Variants in GALNT5 observed in about 807,000 individuals in gnomAD.
GALNT5 encodes polypeptide N-acetylgalactosaminyltransferase 5, also known as UDP-GalNAc:polypeptide N-acetylgalactosaminyltransferase 5.
In GALNT5, 72 loss-of-function variants were observed where a neutral mutation model predicts 85.4. The observed-to-expected ratio is 0.84, with a 90% CI of 0.70 to 1.03. The LOEUF is 1.03. Among genes scored for constraint, GALNT5 ranks in the 50% least tolerant of loss-of-function variants. The probability of loss-of-function intolerance (pLI) is 0.00; values close to 1 mark genes in which losing one functional copy is unlikely to be tolerated. For synonymous variants in GALNT5, 404 were observed against 397.0 expected (o/e 1.02, Z -0.21); for missense variants, 1,137 against 1,135.5 (o/e 1.00, Z -0.02).
intron 1 of GALNT5, among the ~76,000 whole-genome samples, chr2:157,270,961 C>T (rs1007414784): frequency 6.6e-6 from 1 of 151,996 alleles, no homozygotes; most frequent in Admixed American, 6.6e-5. Context: ...TAAAAATACA[C>T]AAAAATTAGC....
In GALNT5 at chr2:157,259,457, T is replaced by C. The variant is rs139013111; in HGVS notation, c.1375T>C (p.Trp459Arg). The change falls in exon 1 of 10, where the codon TGG becomes CGG. Residue 459 changes from tryptophan (W) to arginine (R), a missense_variant. By Grantham distance (101) the Trp-to-Arg change is moderately radical. Coordinates refer to ENST00000259056, the MANE Select transcript of GALNT5 (RefSeq NM_014568.3). ...AAAGGAGAAGGAGGCAGAAAGAAGA[T>C]GGAAAGAAGGAAACTTCAATGTCTA... is the stretch of plus-strand genomic sequence containing the variant. ...HGKEKEAERR[W>R]KEGNFNVYLS... 3 of 1,464,180 alleles carry C rather than the reference T, an allele frequency of 2.0e-6. No individual in the cohort carries two copies. Among genetic ancestry groups the C allele is most frequent in the Admixed American group, 2.3e-5 (1 of 42,664 alleles). 90.7% of individuals were successfully genotyped at this position (1,464,180 alleles called of 1,614,324 possible).
At chr2:157,290,112 T>TATATATATATAC (rs1416458086) in intron 3 of GALNT5, among the ~76,000 whole-genome samples, 20 of 138,254 alleles carry the variant, frequency 1.4e-4, no homozygotes, top group Admixed American at 4.2e-4. Context: ...TATATATATA[T>TATATATATATAC]ACATACACAA....
chr2:157,309,348 T>C (rs976896906), intron 9 of GALNT5, among the ~76,000 whole-genome samples: 1 of 152,232 alleles, frequency 6.6e-6, no homozygotes, highest in Non-Finnish European at 1.5e-5. Context: ...TTGGAAGATG[T>C]TACTGGATCA....
chr2:157,316,363 T>C lies in GALNT5; in HGVS notation c.*5015T>C, dbSNP rs142992784. Among the ~76,000 whole-genome samples, 19 of 152,218 alleles carry C rather than the reference T, an allele frequency of 1.2e-4. No homozygotes were observed. The highest frequency in any genetic ancestry group is 4.3e-4 in the African/African-American group (18 of 41,528). ...ATCCACCGAGAACTATTTTACCCTT[T>C]CTAATGGCCTAAAATAAATTTTTAA... is the stretch of plus-strand genomic sequence containing the variant. On this transcript the variant is annotated 3_prime_UTR_variant, in exon 10 of 10. Coordinates refer to ENST00000259056, the MANE Select transcript of GALNT5 (RefSeq NM_014568.3).
Position 157,259,238 on chromosome 2 carries a change from A to G in GALNT5, c.1156A>G (p.Thr386Ala), listed in dbSNP as rs116434257. Residue 386 changes from threonine (T) to alanine (A), a missense_variant, in exon 1 of 10, where the codon ACT becomes GCT. Thr to Ala is a moderately conservative substitution (Grantham distance 58). Coordinates refer to ENST00000259056, the MANE Select transcript of GALNT5 (RefSeq NM_014568.3). ...ACTGTCCCAAACTAACCATGCTTTA[A>G]CTGGAGGGCTAGAGCCAGCAAAAAT... ...VPLSQTNHALTGGLEPAKINI... is the reference protein window; with the variant it reads ...VPLSQTNHALAGGLEPAKINI... 4.0e-4 allele frequency: 648 copies of G among 1,608,500 alleles called. 5 individuals are homozygous for G. Among genetic ancestry groups the G allele is most frequent in the Non-Finnish European group, 1.5e-4 (179 of 1,177,688 alleles).
chr2:157,274,814 T>C (rs531919108), intron 1 of GALNT5, among the ~76,000 whole-genome samples: 7 of 152,262 alleles, frequency 4.6e-5, no homozygotes, highest in African/African-American at 1.7e-4. Flanking sequence ...TCTTTTGCCA[T>C]GCAGAAGCTC....
rs1239334700 is a variant in GALNT5, at chr2:157,314,828, C to A, written c.*3480C>A. Among the ~76,000 whole-genome samples, 1 of 152,124 alleles carries A rather than the reference C, an allele frequency of 6.6e-6. No individual in the cohort carries two copies. The highest frequency in any genetic ancestry group is 2.1e-4 in the South Asian group (1 of 4,832). On this transcript the variant is annotated 3_prime_UTR_variant, in exon 10 of 10. Transcript: ENST00000259056. ...GGCGCAGTGGCTCACACCTGTAATC[C>A]TAGCACTTTAGGAGGCCAAGGTGGG...
rs180862480 is a variant in GALNT5 at position 157,260,685 on chromosome 2, C to A, written c.1454+1149C>A. Among the ~76,000 whole-genome samples the A allele has an allele frequency of 1.4e-3, 214 of 152,298 alleles. 1 individual carries two copies. Among genetic ancestry groups the A allele is most frequent in the South Asian group, 6.2e-4 (3 of 4,830 alleles). On this transcript the variant is annotated intron_variant, in intron 1 of 9. Coordinates refer to ENST00000259056, the MANE Select transcript of GALNT5 (RefSeq NM_014568.3). ...AATTCTTCTTTGTGATCTAGGTAGTCAGCATTACATTTTAGTCAGTGTTAC... is the reference window on the plus strand; with the variant it reads ...AATTCTTCTTTGTGATCTAGGTAGTAAGCATTACATTTTAGTCAGTGTTAC...
intron 1 of GALNT5, among the ~76,000 whole-genome samples, chr2:157,269,675 C>A (rs1315638496): frequency 1.3e-5 from 2 of 152,124 alleles, no homozygotes; most frequent in African/African-American, 2.4e-5. Context: ...TTCCCCAAAT[C>A]TCTCAAATTT....
chr2:157,263,489 C>T (rs1160793718), intron 1 of GALNT5, among the ~76,000 whole-genome samples: 1 of 152,228 alleles, frequency 6.6e-6, no homozygotes, highest in South Asian at 2.1e-4. Flanking sequence ...TTAGTGTACA[C>T]AGGCATCCTA....
At chr2:157,311,097 A>G in intron 9 of GALNT5, 111 bp from the exon 10 acceptor site, 2 of 865,612 alleles carry the variant, frequency 2.3e-6, no homozygotes, top group Admixed American at 4.7e-5. Context: ...AAGAATTCTT[A>G]AAAATCAAAA....
chr2:157,270,800 G>T (rs1682565682), intron 1 of GALNT5, among the ~76,000 whole-genome samples: 1 of 152,184 alleles, frequency 6.6e-6, no homozygotes, highest in African/African-American at 2.4e-5. Context: ...CAATAATAGA[G>T]AATAATAAAA....
chr2:157,305,096 C>T (rs1420918540), intron 7 of GALNT5, among the ~76,000 whole-genome samples: 1 of 152,146 alleles, frequency 6.6e-6, no homozygotes, highest in East Asian at 1.9e-4. Flanking sequence ...AGGAAATCAA[C>T]ATTTTTCTGC....
chr2:157,303,755 C>T (rs1335603028), intron 7 of GALNT5, among the ~76,000 whole-genome samples: 2 of 152,118 alleles, frequency 1.3e-5, no homozygotes, highest in Admixed American at 1.3e-4. Flanking sequence ...GAGGGAGGGA[C>T]ATGTAAGGGA....
intron 1 of GALNT5, among the ~76,000 whole-genome samples, chr2:157,271,357 A>C (rs1682581545): frequency 6.6e-6 from 1 of 152,168 alleles, no homozygotes; most frequent in Non-Finnish European, 1.5e-5. Flanking sequence ...ACACTAAAGA[A>C]TTTGGATTTT....
intron 1 of GALNT5, among the ~76,000 whole-genome samples, chr2:157,263,201 A>G (rs1293348109): frequency 6.7e-6 from 1 of 148,326 alleles, no homozygotes; most frequent in African/African-American, 2.6e-5. Context: ...CTGTCTGCCC[A>G]TGTTTCTCCC....
chr2:157,299,260 C>T, intron 5 of GALNT5: 1 of 251,614 alleles, frequency 4.0e-6, no homozygotes, highest in Non-Finnish European at 7.7e-6. Context: ...CTCCCTTAGC[C>T]CTGAATAAGT....
intron 1 of GALNT5, among the ~76,000 whole-genome samples, chr2:157,277,973 C>A (rs1682773982): frequency 6.6e-6 from 1 of 152,174 alleles, no homozygotes; most frequent in South Asian, 2.1e-4. Flanking sequence ...TTGTTTCTTT[C>A]CATGTTTAGT....
Position 157,257,986 on chromosome 2 carries a change from TCTGCTGCTGCTGCTGCTG to T in GALNT5, c.-88_-71del. On this transcript the variant is annotated 5_prime_UTR_variant, in exon 1 of 10. Transcript: ENST00000259056. Reference sequence around the variant, plus strand: ...GGGGAGGGGGTCACTTTCTGGCAACTCTGCTGCTGCTGCTGCTGCTGCTGCTACTTCAGCTTCCTCTCC... The same window carrying T: ...GGGGAGGGGGTCACTTTCTGGCAACTCTGCTGCTACTTCAGCTTCCTCTCC... 1 of 1,319,844 alleles carries T rather than the reference TCTGCTGCTGCTGCTGCTG, an allele frequency of 7.6e-7. No homozygotes were observed. The allele number at this position is 1,319,844 out of a possible 1,614,324, so 81.8% of individuals were successfully genotyped here. A position where few individuals can be genotyped will look rare whatever the true frequency, so the allele number is the denominator to read the frequency against.
Sources: allele counts gnomAD v4.1 joint callset (sites outside exome capture counted in the v4.1 genomes callset), GRCh38; gene constraint gnomAD v4.1.1; transcripts MANE v1.5; gene names NCBI Gene and HGNC (gene_info 2026-07-23, HGNC 2026-07-21).